The following MTMR8 variants were observed in gnomAD, a reference collection of about 807,000 sequenced individuals.
The protein encoded by MTMR8 is myotubularin related protein 8, also known as phosphatidylinositol-3,5-bisphosphate 3-phosphatase MTMR8.
MTMR8 carries 65 observed loss-of-function variants against 39.3 expected under a neutral mutation model. The observed-to-expected ratio is 1.65, with a 90% confidence interval of 1.35 to 2.03. MTMR8 has a LOEUF of 2.03. Among genes scored for constraint, MTMR8 ranks in the 30% most tolerant of loss-of-function variants. MTMR8 has a pLI of 0.00. For synonymous variants in MTMR8, 245 were observed against 185.2 expected (o/e 1.32, Z -2.62); for missense variants, 777 against 538.9 (o/e 1.44, Z -4.37).
At position 64,354,945 on chromosome X, in the gene MTMR8, G is replaced by C. The variant is rs199865612; in HGVS notation, c.311-11C>G. On this transcript the variant is annotated splice_polypyrimidine_tract_variant and intron_variant, in intron 3 of 13. Transcript: ENST00000374852. ...GATCTTCAGGTAATGCTGGAGAAGA[G>C]AGATAGGCATGGAAAACAAAATGAT... 15 of 1,165,117 alleles carry C rather than the reference G, an allele frequency of 1.3e-5. No homozygotes were observed. The African/African-American group carries it at 2.0e-4, about 15-fold the overall frequency.
chrX:64,287,660 C>T (rs1451982218), intron 12 of MTMR8, among the ~76,000 whole-genome samples: 3 of 109,594 alleles, frequency 2.7e-5, no homozygotes, highest in Admixed American at 9.9e-5. Flanking sequence ...GAAATAATAC[C>T]ACACATCTAC....
intron 12 of MTMR8, among the ~76,000 whole-genome samples, chrX:64,304,860 T>TTTTATA (rs1555950481): frequency 7.0e-5 from 2 of 28,582 alleles, no homozygotes; most frequent in East Asian, 3.1e-3. Flanking sequence ...GATCAAACAT[T>TTTTATA]TATATATATA....
intron 12 of MTMR8, among the ~76,000 whole-genome samples, chrX:64,300,435 C>T (rs1345442234): frequency 1.8e-5 from 2 of 111,024 alleles, no homozygotes; most frequent in African/African-American, 6.5e-5. Context: ...CTTGGTAGAG[C>T]TTCCTCCATC....
intron 1 of MTMR8, among the ~76,000 whole-genome samples, chrX:64,374,812 G>A (rs1322333362): frequency 9.1e-6 from 1 of 110,269 alleles, no homozygotes; most frequent in Non-Finnish European, 1.9e-5. Context: ...AGTGATAAGT[G>A]TCCTTATAAC....
At chrX:64,293,612 G>C (rs1284240851) in intron 12 of MTMR8, among the ~76,000 whole-genome samples, 7 of 111,181 alleles carry the variant, frequency 6.3e-5, no homozygotes, top group Non-Finnish European at 1.3e-4. Context: ...GGGATCTGGT[G>C]GTTGCAGAAG....
At chrX:64,304,665 T>C (rs936010217) in intron 12 of MTMR8, among the ~76,000 whole-genome samples, 3 of 107,539 alleles carry the variant, frequency 2.8e-5, no homozygotes, top group African/African-American at 1.0e-4. Context: ...CCTGTAGCCC[T>C]TTTTACTATG....
At chrX:64,376,625 T>A (rs903927420) in intron 1 of MTMR8, among the ~76,000 whole-genome samples, 1 of 112,155 alleles carries the variant, frequency 8.9e-6, no homozygotes, top group African/African-American at 3.2e-5. Context: ...AGCAAAGAGA[T>A]AATCTGAAAC....
At chrX:64,314,750 C>A (rs1165993374) in intron 12 of MTMR8, among the ~76,000 whole-genome samples, 1 of 112,224 alleles carries the variant, frequency 8.9e-6, no homozygotes, top group East Asian at 2.8e-4. Context: ...GGGAAGTGGC[C>A]CTGGGCCCAC....
At chrX:64,364,378 T>C (rs1438899748) in intron 1 of MTMR8, among the ~76,000 whole-genome samples, 1 of 111,618 alleles carries the variant, frequency 9.0e-6, no homozygotes, top group Non-Finnish European at 1.9e-5. Flanking sequence ...CCCTCTGGAA[T>C]GAAGCTTACA....
chrX:64,366,282 C>T (rs915576638), intron 1 of MTMR8, among the ~76,000 whole-genome samples: 1 of 111,881 alleles, frequency 8.9e-6, no homozygotes, highest in Non-Finnish European at 1.9e-5. Context: ...GCACTATCCA[C>T]CCCAAATCAA....
intron 12 of MTMR8, among the ~76,000 whole-genome samples, chrX:64,311,306 C>T (rs1006559017): frequency 3.6e-5 from 4 of 111,449 alleles, no homozygotes; most frequent in Non-Finnish European, 3.8e-5. Context: ...TCTTTTGAGA[C>T]GTGTCTGTTC....
At chrX:64,303,890 T>C (rs965101435) in intron 12 of MTMR8, among the ~76,000 whole-genome samples, 3 of 112,380 alleles carry the variant, frequency 2.7e-5, no homozygotes, top group African/African-American at 9.7e-5. Flanking sequence ...ATTTACCTCA[T>C]GCAAAGATCT....
chrX:64,371,739 C>T (rs1306771354), intron 1 of MTMR8, among the ~76,000 whole-genome samples: 1 of 110,454 alleles, frequency 9.1e-6, no homozygotes, highest in African/African-American at 3.3e-5. Flanking sequence ...TGAGATTCTG[C>T]CAATAATAGG....
chrX:64,280,577 C>T (rs1247623847), intron 12 of MTMR8, among the ~76,000 whole-genome samples: 1 of 111,165 alleles, frequency 9.0e-6, no homozygotes, highest in African/African-American at 3.3e-5. Flanking sequence ...TATGACAAAC[C>T]CACAGCCAAT....
At chrX:64,365,104 A>T (rs1923909254) in intron 1 of MTMR8, among the ~76,000 whole-genome samples, 1 of 111,919 alleles carries the variant, frequency 8.9e-6, no homozygotes, top group South Asian at 3.8e-4. Flanking sequence ...GAAATATGGG[A>T]TTATGTGAAA....
At position 64,336,133 on chromosome X, in the gene MTMR8, AT is replaced by A. The variant is rs1490313343; in HGVS notation, c.1102-6del. 3.4e-6 allele frequency: 4 copies of A among 1,176,081 alleles called. No individual in the cohort carries two copies. The highest frequency in any genetic ancestry group is 4.6e-6 in the Non-Finnish European group (4 of 871,789). On this transcript the variant is annotated splice_region_variant and splice_polypyrimidine_tract_variant and intron_variant, in intron 9 of 13. Transcript: ENST00000374852. ...CCATTCCTTCTCTATCAAGATCTTCATTTTATAGAAAAGAAAGTGTTTGCAT... is the reference window on the plus strand; with the variant it reads ...CCATTCCTTCTCTATCAAGATCTTCATTTATAGAAAAGAAAGTGTTTGCAT...
chrX:64,300,720 G>T (rs1368428726), intron 12 of MTMR8, among the ~76,000 whole-genome samples: 1 of 104,742 alleles, frequency 9.5e-6, no homozygotes, highest in Non-Finnish European at 2.0e-5. Flanking sequence ...GGTACCGGTT[G>T]TTCCTTTCCA....
chrX:64,315,888 G>A (rs1159651898), intron 12 of MTMR8, among the ~76,000 whole-genome samples: 5 of 109,836 alleles, frequency 4.6e-5, no homozygotes, highest in African/African-American at 1.3e-4. Context: ...CCTTGTATAG[G>A]TCTTTCAGTG....
rs1264609780 is a variant in MTMR8 at position 64,331,773 on chromosome X, A to G, written c.1152-16T>C. The G allele has an allele frequency of 1.7e-6, 2 of 1,149,808 alleles. No individual in the cohort carries two copies. The highest frequency in any genetic ancestry group is 2.4e-6 in the Non-Finnish European group (2 of 842,616). The allele number at this position is 1,149,808 out of a possible 1,213,427, so 94.8% of individuals were successfully genotyped here. A position where few individuals can be genotyped will look rare whatever the true frequency, so the allele number is the denominator to read the frequency against. The stretch of plus-strand genomic sequence containing the variant: ...GTGGCCACACCTGAGAGATGAAAAT[A>G]AAGGTAAAGAAAGACACTAGTTAGC... On this transcript the variant is annotated splice_polypyrimidine_tract_variant and intron_variant, in intron 10 of 13. Coordinates refer to ENST00000374852, the MANE Select transcript of MTMR8 (RefSeq NM_017677.4).
Sources: allele counts gnomAD v4.1 joint callset (sites outside exome capture counted in the v4.1 genomes callset), GRCh38; gene constraint gnomAD v4.1.1; transcripts MANE v1.5; gene names NCBI Gene and HGNC (gene_info 2026-07-23, HGNC 2026-07-21).